The following PDE4D variants were observed in gnomAD, a reference collection of about 807,000 sequenced individuals.
PDE4D encodes the protein 3',5'-cyclic-AMP phosphodiesterase 4D.
Under a neutral mutation model 87.4 loss-of-function variants are expected in PDE4D, and 24 were observed. That is an observed-to-expected ratio of 0.27 (90% CI 0.20 to 0.39). PDE4D has a LOEUF of 0.39. Among genes scored for constraint, PDE4D ranks in the 10% least tolerant of loss-of-function variants. The pLI is 1.00. For synonymous variants in PDE4D, 384 were observed against 383.2 expected (o/e 1.00, Z -0.02); for missense variants, 714 against 1,041.0 (o/e 0.69, Z 4.32).
At chr5:59,694,367 C>T (rs1268554754) in intron 1 of PDE4D, among the ~76,000 whole-genome samples, 1 of 152,100 alleles carries the variant, frequency 6.6e-6, no homozygotes, top group Admixed American at 6.6e-5. Context: ...GTGGTTTACT[C>T]TATGTCTATG....
chr5:60,439,937 A>AAC (rs1280674092), intron 1 of PDE4D, among the ~76,000 whole-genome samples: 3 of 151,922 alleles, frequency 2.0e-5, no homozygotes, highest in African/African-American at 7.2e-5. Context: ...ACAAAAAAAA[A>AAC]AAACCCTAAA....
intron 1 of PDE4D, among the ~76,000 whole-genome samples, chr5:59,853,125 G>A (rs1009286895): frequency 6.6e-6 from 1 of 152,014 alleles, no homozygotes; most frequent in African/African-American, 2.4e-5. Context: ...TAATGACAAA[G>A]TGGAAACACA....
intron 3 of PDE4D, among the ~76,000 whole-genome samples, chr5:59,908,067 C>T (rs538344491): frequency 7.2e-5 from 11 of 152,142 alleles, no homozygotes; most frequent in African/African-American, 2.7e-4. Flanking sequence ...CTATACATAA[C>T]GTTTTAACTC....
At chr5:59,805,095 A>G (rs926030734) in intron 1 of PDE4D, among the ~76,000 whole-genome samples, 29 of 152,192 alleles carry the variant, frequency 1.9e-4, no homozygotes, top group Admixed American at 1.1e-3. Flanking sequence ...GCCCTGCCAC[A>G]TTCTGTTTCT....
At chr5:59,261,625 C>T (rs1000593255) in intron 1 of PDE4D, among the ~76,000 whole-genome samples, 10 of 151,534 alleles carry the variant, frequency 6.6e-5, no homozygotes, top group Admixed American at 1.3e-4. Flanking sequence ...TCACTTTTTT[C>T]CAACTATTTT....
At chr5:59,353,711 C>T (rs1780896661) in intron 1 of PDE4D, among the ~76,000 whole-genome samples, 1 of 152,042 alleles carries the variant, frequency 6.6e-6, no homozygotes, top group South Asian at 2.1e-4. Flanking sequence ...CCTTCCACGG[C>T]CCTGCTCCCC....
intron 1 of PDE4D, among the ~76,000 whole-genome samples, chr5:59,743,362 C>T (rs1368387938): frequency 1.3e-5 from 2 of 151,958 alleles, no homozygotes; most frequent in South Asian, 2.1e-4. Context: ...ATAACTCCAC[C>T]AAAAAATGAG....
rs368494725 is a variant in PDE4D at position 59,057,693 on chromosome 5, C to A, written c.809-18722G>T. ...CAAATTATTTATCTAATTAAACAAGCAAACCTTTTTAGCCCAGACATCCTA... is the reference window on the plus strand; with the variant it reads ...CAAATTATTTATCTAATTAAACAAGAAAACCTTTTTAGCCCAGACATCCTA... On this transcript the variant is annotated intron_variant, in intron 5 of 14. Transcript: ENST00000340635. 3.3e-4 allele frequency among the ~76,000 whole-genome samples: 51 copies of A among 152,294 alleles called. 1 individual carries two copies. Among genetic ancestry groups the A allele is most frequent in the African/African-American group, 1.2e-3 (49 of 41,568 alleles).
intron 1 of PDE4D, among the ~76,000 whole-genome samples, chr5:60,459,485 C>T (rs1366975780): frequency 1.3e-5 from 2 of 151,922 alleles, no homozygotes; most frequent in African/African-American, 4.8e-5. Flanking sequence ...CTCTCTAAGC[C>T]CAAGATACAG....
chr5:59,324,517 G>A (rs564586733), intron 1 of PDE4D, among the ~76,000 whole-genome samples: 13 of 152,242 alleles, frequency 8.5e-5, no homozygotes, highest in Admixed American at 2.6e-4. Flanking sequence ...GTGGGACAAG[G>A]GGAGACCATC....
chr5:59,441,148 G>A (rs1797554859), intron 1 of PDE4D, among the ~76,000 whole-genome samples: 2 of 152,150 alleles, frequency 1.3e-5, no homozygotes, highest in South Asian at 2.1e-4. Flanking sequence ...AGGCAGAAGT[G>A]CAGTAGTGTG....
chr5:59,902,016 C>A (rs1752326808), intron 3 of PDE4D, among the ~76,000 whole-genome samples: 1 of 150,752 alleles, frequency 6.6e-6, no homozygotes, highest in Non-Finnish European at 1.5e-5. Flanking sequence ...GGATTATACA[C>A]TATAACACAA....
chr5:59,862,660 A>G (rs1230929985), intron 1 of PDE4D, among the ~76,000 whole-genome samples: 3 of 152,216 alleles, frequency 2.0e-5, no homozygotes, highest in African/African-American at 7.2e-5. Flanking sequence ...TAGCCACAGT[A>G]TGTGCTGTGG....
chr5:59,081,382 A>G (rs1766725223), intron 5 of PDE4D, among the ~76,000 whole-genome samples: 1 of 152,098 alleles, frequency 6.6e-6, no homozygotes, highest in South Asian at 2.1e-4. Context: ...TATGCTTTCT[A>G]TAATTATATA....
At chr5:60,460,598 T>C (rs1035590736) in intron 1 of PDE4D, 2 of 1,261,296 alleles carry the variant, frequency 1.6e-6, no homozygotes, top group Admixed American at 1.7e-5. Context: ...ACTTCATCAA[T>C]GCATTCAATT....
chr5:60,143,139 C>A (rs749550422), intron 2 of PDE4D, among the ~76,000 whole-genome samples: 1 of 152,084 alleles, frequency 6.6e-6, no homozygotes, highest in Non-Finnish European at 1.5e-5. Context: ...ACTCTATGGG[C>A]TTTCTGTTTA....
chr5:59,572,091 C>T (rs1397847899), intron 1 of PDE4D, among the ~76,000 whole-genome samples: 3 of 152,152 alleles, frequency 2.0e-5, no homozygotes, highest in Non-Finnish European at 4.4e-5. Flanking sequence ...TTGGGAGCAA[C>T]CTTGTTCAGA....
chr5:60,306,994 G>T (rs1415316368), intron 1 of PDE4D, among the ~76,000 whole-genome samples: 1 of 152,012 alleles, frequency 6.6e-6, no homozygotes. Context: ...ACTATTTGTG[G>T]TTTTTGCCAT....
intron 5 of PDE4D, among the ~76,000 whole-genome samples, chr5:59,065,109 CACACACACACACACATAT>C (rs1390939043): frequency 3.1e-5 from 4 of 127,772 alleles, no homozygotes; most frequent in African/African-American, 1.3e-4. Context: ...CACACACACA[CACACACACACACACATAT>C]ACAATGAAAT....
Sources: gnomAD v4.1 joint callset for allele counts (sites outside exome capture counted in the v4.1 genomes callset) on GRCh38, gnomAD v4.1.1 for gene constraint, MANE v1.5 for transcripts, NCBI Gene and HGNC (gene_info 2026-07-23, HGNC 2026-07-21) for gene names.